Variants in ETV6 observed in about 807,000 individuals in gnomAD.
ETV6 encodes the protein transcription factor ETV6.
In ETV6, 16 loss-of-function variants were observed where a neutral mutation model predicts 51.1. That is an observed-to-expected ratio of 0.31 (90% CI 0.21 to 0.48). The LOEUF is 0.48. ETV6 is among the 20% of genes least tolerant of loss of function. The pLI is 0.99. For missense variants in ETV6, 458 were observed against 594.8 expected, an observed-to-expected ratio of 0.77 and a Z score of 2.39; for synonymous variants, 240 against 224.1, an observed-to-expected ratio of 1.07 and a Z score of -0.64.
intron 2 of ETV6, among the ~76,000 whole-genome samples, chr12:11,793,626 C>T (rs753967505): frequency 2.0e-5 from 3 of 152,316 alleles, no homozygotes; most frequent in South Asian, 2.1e-4. Flanking sequence ...CAACCCAGGT[C>T]GGACTCTACA....
chr12:11,679,758 C>G (rs1864491676), intron 1 of ETV6, among the ~76,000 whole-genome samples: 1 of 152,176 alleles, frequency 6.6e-6, no homozygotes, highest in Admixed American at 6.5e-5. Context: ...GACCATGTAT[C>G]AGAGGTGGAG....
At chr12:11,650,706 G>A (rs1227336984) in intron 1 of ETV6, among the ~76,000 whole-genome samples, 2 of 152,004 alleles carry the variant, frequency 1.3e-5, no homozygotes, top group Admixed American at 1.3e-4. Flanking sequence ...AGCGCTGTCG[G>A]AGAGACAGTC....
At chr12:11,789,178 G>T (rs1016620206) in intron 2 of ETV6, among the ~76,000 whole-genome samples, 2 of 151,884 alleles carry the variant, frequency 1.3e-5, no homozygotes, top group Non-Finnish European at 2.9e-5. Flanking sequence ...GATTACAGGC[G>T]CCAGCCACCA....
At chr12:11,709,857 C>G (rs1035773360) in intron 1 of ETV6, among the ~76,000 whole-genome samples, 1 of 152,194 alleles carries the variant, frequency 6.6e-6, no homozygotes, top group African/African-American at 2.4e-5. Flanking sequence ...GCACATCTTG[C>G]AGATTTTGGG....
rs1947344752 is a variant in ETV6 at position 11,893,835 on chromosome 12, TATATATACACACACACACAC to T, written c.*2793_*2812del. On this transcript the variant is annotated 3_prime_UTR_variant, in exon 8 of 8. Transcript: ENST00000396373. ...ATATATATATATATATATATATATA[TATATATACACACACACACAC>T]ATACACAAATATTCCAGGATACAAA... is the stretch of plus-strand genomic sequence containing the variant. 1 of 48,938 alleles carries T rather than the reference TATATATACACACACACACAC, an allele frequency of 2.0e-5. No individual in the cohort carries two copies. The highest frequency in any genetic ancestry group is 4.2e-5 in the Non-Finnish European group (1 of 23,862). 3.0% of individuals were successfully genotyped at this position (48,938 alleles called of 1,614,324 possible). A position where few individuals can be genotyped will look rare whatever the true frequency, so the allele number is the denominator to read the frequency against.
intron 3 of ETV6, among the ~76,000 whole-genome samples, chr12:11,844,071 T>A (rs912577485): frequency 2.0e-5 from 3 of 151,880 alleles, no homozygotes; most frequent in African/African-American, 7.3e-5. Flanking sequence ...AGAGAGGTAT[T>A]TGAGTACTTG....
intron 5 of ETV6, among the ~76,000 whole-genome samples, chr12:11,883,639 C>T (rs1044704728): frequency 1.3e-5 from 2 of 152,076 alleles, no homozygotes; most frequent in African/African-American, 4.8e-5. Context: ...AAAACCAAGG[C>T]CCAACACCAT....
intron 1 of ETV6, among the ~76,000 whole-genome samples, chr12:11,720,068 A>G (rs544981439): frequency 1.3e-5 from 2 of 152,374 alleles, no homozygotes; most frequent in African/African-American, 4.8e-5. Flanking sequence ...GTGGCAGTTC[A>G]TACAGATTTG....
At chr12:11,652,744 A>G (rs1863929875) in intron 1 of ETV6, among the ~76,000 whole-genome samples, 1 of 152,258 alleles carries the variant, frequency 6.6e-6, no homozygotes, top group Admixed American at 6.5e-5. Flanking sequence ...CTGCTCTGCT[A>G]GAAAAGAGTA....
chr12:11,835,276 T>A (rs1011058560), intron 2 of ETV6, among the ~76,000 whole-genome samples: 1 of 152,222 alleles, frequency 6.6e-6, no homozygotes, highest in Non-Finnish European at 1.5e-5. Flanking sequence ...AATGCTGATC[T>A]TAGTAAATGG....
intron 2 of ETV6, among the ~76,000 whole-genome samples, chr12:11,834,657 A>G (rs948091291): frequency 1.3e-5 from 2 of 152,286 alleles, no homozygotes; most frequent in African/African-American, 4.8e-5. Context: ...GAATTAGAAT[A>G]TAATGAAACA....
At chr12:11,676,195 G>A (rs780954939) in intron 1 of ETV6, among the ~76,000 whole-genome samples, 1 of 152,202 alleles carries the variant, frequency 6.6e-6, no homozygotes, top group Non-Finnish European at 1.5e-5. Flanking sequence ...GCGAGGCAAC[G>A]TGACAGAGCA....
At chr12:11,789,787 A>G (rs546246200) in intron 2 of ETV6, among the ~76,000 whole-genome samples, 3 of 152,318 alleles carry the variant, frequency 2.0e-5, no homozygotes, top group African/African-American at 4.8e-5. Context: ...TGAGAAGACC[A>G]TGCCATTCCG....
chr12:11,722,520 A>T (rs1374704195), intron 1 of ETV6, among the ~76,000 whole-genome samples: 1 of 152,208 alleles, frequency 6.6e-6, no homozygotes, highest in Non-Finnish European at 1.5e-5. Flanking sequence ...GCAGCCTATT[A>T]AATCTGCTAA....
chr12:11,729,290 T>G (rs1216099764), intron 1 of ETV6, among the ~76,000 whole-genome samples: 1 of 152,164 alleles, frequency 6.6e-6, no homozygotes, highest in Non-Finnish European at 1.5e-5. Context: ...CAGGATTTTA[T>G]CTCAACTCCT....
At chr12:11,803,918 T>C (rs1945788782) in intron 2 of ETV6, among the ~76,000 whole-genome samples, 1 of 152,078 alleles carries the variant, frequency 6.6e-6, no homozygotes, top group Non-Finnish European at 1.5e-5. Context: ...ATATTATTAG[T>C]ATCATCATCA....
chr12:11,668,234 C>G (rs903747384), intron 1 of ETV6, among the ~76,000 whole-genome samples: 1 of 140,806 alleles, frequency 7.1e-6, no homozygotes, highest in South Asian at 2.3e-4. Context: ...ATTTCATGAG[C>G]CTTTTCTTAA....
intron 3 of ETV6, among the ~76,000 whole-genome samples, chr12:11,842,089 AAAAAAAAAAG>A (rs1351415104): frequency 2.7e-4 from 41 of 151,722 alleles, no homozygotes; most frequent in African/African-American, 9.7e-4. Context: ...CTCAAAAAAA[AAAAAAAAAAG>A]AAGAAGAAGG....
At chr12:11,728,067 G>A (rs1056545016) in intron 1 of ETV6, among the ~76,000 whole-genome samples, 4 of 152,068 alleles carry the variant, frequency 2.6e-5, no homozygotes, top group Admixed American at 2.6e-4. Flanking sequence ...TGATCTGCCC[G>A]CCTCGGTCTT....
Sources: gnomAD v4.1 joint callset for allele counts (sites outside exome capture counted in the v4.1 genomes callset) on GRCh38, gnomAD v4.1.1 for gene constraint, MANE v1.5 for transcripts, NCBI Gene and HGNC (gene_info 2026-07-23, HGNC 2026-07-21) for gene names.